ABCA10: variants seen among roughly 807,000 people sequenced by gnomAD.
The protein encoded by ABCA10 is ATP-binding cassette sub-family A member 10.
A neutral mutation model predicts 187.5 loss-of-function variants in ABCA10; 169 were observed. That is an observed-to-expected ratio of 0.90 (90% CI 0.80 to 1.02). ABCA10 has a LOEUF of 1.02. ABCA10 is among the 50% of genes least tolerant of loss of function. The pLI is 0.00. For missense variants in ABCA10, 1,727 were observed against 1,812.4 expected (o/e 0.95, Z 0.86); for synonymous variants, 574 against 601.8 (o/e 0.95, Z 0.68).
chr17:69,151,978 A>C, intron 36 of ABCA10, 65 bp downstream of exon 36: 1 of 1,556,480 alleles, frequency 6.4e-7, no homozygotes, highest in Admixed American at 2.0e-5. Context: ...GACTAGCACA[A>C]AACTAATTGA....
In ABCA10 at chr17:69,162,810, T is replaced by TACATATACAC. The variant is rs369213699; in HGVS notation, c.3363+1263_3363+1264insGTGTATATGT. 6.1e-3 allele frequency among the ~76,000 whole-genome samples: 358 copies of TACATATACAC among 59,006 alleles called. 1 individual carries two copies. The highest frequency in any genetic ancestry group is 0.036 in the African/African-American group (325 of 9,026). The allele number at this position is 59,006 out of a possible 152,430, so 38.7% of individuals were successfully genotyped here. On this transcript the variant is annotated intron_variant, in intron 27 of 38. Transcript: ENST00000690296. ...GGGTTTATGTTGAAAAAATTACATA[T>TACATATACAC]ATACATATACATATACATATACATA...
chr17:69,193,818 T>C lies in ABCA10; in HGVS notation c.1517A>G (p.Gln506Arg), dbSNP rs1344740521. The C allele has an allele frequency of 6.2e-7, 1 of 1,613,214 alleles. No homozygotes were observed. The highest frequency in any genetic ancestry group is 8.5e-7 in the Non-Finnish European group (1 of 1,179,678). ...AATCTTAATGTGTTCCTGTACCTCT[T>C]GTTCCACTTCCTTTGGCTGAATCCC... ...IKGIQPKEVE[Q>R]EVKRIIMELD... is the part of the protein sequence containing the mutation. Residue 506 changes from glutamine (Q) to arginine (R), a missense_variant, in exon 13 of 39, where the codon CAA becomes CGA. Transcript: ENST00000690296.
chr17:69,174,921 T>C (rs2074323903), intron 23 of ABCA10, 144 bp from the exon 24 acceptor site: 1 of 647,584 alleles, frequency 1.5e-6, no homozygotes. Context: ...AAATCTAGCA[T>C]CTCCAATGGA....
chr17:69,199,374 G>A (rs1015530415), intron 10 of ABCA10, among the ~76,000 whole-genome samples: 1 of 152,180 alleles, frequency 6.6e-6, no homozygotes, highest in Non-Finnish European at 1.5e-5. Flanking sequence ...ACTGATTAAT[G>A]ATGAATAAGT....
intron 3 of ABCA10, chr17:69,223,694 A>C (rs1025769371): frequency 4.5e-6 from 2 of 442,856 alleles, no homozygotes; most frequent in Non-Finnish European, 9.0e-6. Flanking sequence ...GACAGTGCTA[A>C]CATCACTGAT....
intron 28 of ABCA10, among the ~76,000 whole-genome samples, 172 bp downstream of exon 28, chr17:69,156,660 A>G (rs577001458): frequency 9.2e-5 from 14 of 152,304 alleles, no homozygotes; most frequent in Non-Finnish European, 4.4e-5. Flanking sequence ...ATAAAATTAT[A>G]AATTTAAGAA....
chr17:69,173,165 G>A (rs566876786), intron 25 of ABCA10, among the ~76,000 whole-genome samples: 7 of 152,250 alleles, frequency 4.6e-5, no homozygotes, highest in East Asian at 1.9e-4. Context: ...GACTAATGCC[G>A]ATGGTTAAGA....
rs368679552 is a variant in ABCA10 at position 69,183,283 on chromosome 17, T to A, written c.2498-475A>T. 2.1e-4 allele frequency among the ~76,000 whole-genome samples: 32 copies of A among 152,312 alleles called. 1 individual carries two copies. Among genetic ancestry groups the A allele is most frequent in the Admixed American group, 3.9e-4 (6 of 15,304 alleles). The stretch of plus-strand genomic sequence containing the variant: ...GTACTAGTAACCCATTCAAAACATC[T>A]TTATGGAATTAAGTTAACTTGATAT... On this transcript the variant is annotated intron_variant, in intron 20 of 38. Transcript: ENST00000690296.
intron 9 of ABCA10, among the ~76,000 whole-genome samples, chr17:69,206,957 A>G (rs2074596581): frequency 6.6e-6 from 1 of 152,192 alleles, no homozygotes; most frequent in African/African-American, 2.4e-5. Context: ...CACAGCCAGG[A>G]AAGGAATCAA....
rs183466132 is a variant in ABCA10, at chr17:69,176,040, A to C, written c.2770-527T>G. ...AATATTTTAGAACTACAGTTGACCA[A>C]AGGTAACTGAAACATCAGAAAGCAA... On this transcript the variant is annotated intron_variant, in intron 22 of 38. Coordinates refer to ENST00000690296, the MANE Select transcript of ABCA10 (RefSeq NM_001377321.1). 6.3e-4 allele frequency among the ~76,000 whole-genome samples: 96 copies of C among 152,214 alleles called. 1 individual carries two copies. The East Asian group carries it at 0.016, about 25-fold the overall frequency.
Position 69,185,489 on chromosome 17 carries a change from C to T in ABCA10, c.2485G>A (p.Val829Ile), listed in dbSNP as rs773827545. 2.6e-5 allele frequency: 42 copies of T among 1,611,968 alleles called. No individual in the cohort carries two copies. Among genetic ancestry groups the T allele is most frequent in the African/African-American group, 5.3e-5 (4 of 74,800 alleles). Residue 829 changes from valine (V) to isoleucine (I), a missense_variant, in exon 20 of 39, where the codon GTT (valine) becomes ATT (isoleucine). Physicochemically the swap from Val to Ile is conservative, Grantham distance 29 (BLOSUM62 3). Coordinates refer to ENST00000690296, the MANE Select transcript of ABCA10 (RefSeq NM_001377321.1). ...PKTPLTSLLI[V>I]NNTGSNIEDL... ...CCCCATTTCTCACCTGTATTATTAA[C>T]GATTAACAGGCTGGTAAGAGGCGTC...
At chr17:69,179,369 G>A (rs1049301972) in intron 22 of ABCA10, among the ~76,000 whole-genome samples, 1 of 152,168 alleles carries the variant, frequency 6.6e-6, no homozygotes, top group East Asian at 1.9e-4. Context: ...AATAATCTTA[G>A]TAAGCAGATT....
intron 25 of ABCA10, among the ~76,000 whole-genome samples, chr17:69,170,519 G>A (rs543228423): frequency 2.7e-4 from 41 of 151,462 alleles, no homozygotes; most frequent in African/African-American, 9.0e-4. Context: ...GCCTTGTAAG[G>A]AGTAATTAAA....
intron 34 of ABCA10, 44 bp downstream of exon 34, chr17:69,153,261 G>A: frequency 1.9e-6 from 3 of 1,562,094 alleles, no homozygotes; most frequent in Non-Finnish European, 1.7e-6. Context: ...AAATATCCTA[G>A]AGGTATTCTC....
chr17:69,157,637 C>T (rs1452451169), intron 27 of ABCA10, among the ~76,000 whole-genome samples: 2 of 152,044 alleles, frequency 1.3e-5, no homozygotes, highest in African/African-American at 4.8e-5. Context: ...TTGACAGAAG[C>T]AAACAAAATG....
chr17:69,205,505 A>G (rs952264401), intron 9 of ABCA10, among the ~76,000 whole-genome samples: 8 of 152,204 alleles, frequency 5.3e-5, no homozygotes, highest in African/African-American at 1.9e-4. Context: ...ACAAAACAGA[A>G]TAAACAATAA....
rs751033366 is a variant in ABCA10, at chr17:69,182,271, G to C, written c.2651C>G (p.Ala884Gly). The change falls in exon 22 of 39, where the codon GCG becomes GGG. Residue 884 changes from alanine to glycine, a missense_variant. Physicochemically the swap from Ala to Gly is moderately conservative, Grantham distance 60 (BLOSUM62 0). Coordinates refer to ENST00000690296, the MANE Select transcript of ABCA10 (RefSeq NM_001377321.1). ...GDQKDYRFSV[A>G]CNTKKLNCFP... ...ACAATTCAATTTCTTGGTATTACAC[G>C]CAACAGAAAATCTGTAATCCTTGAA... The C allele has an allele frequency of 4.5e-6, 7 of 1,549,274 alleles. No homozygotes were observed. The Admixed American group carries it at 9.4e-5, about 21-fold the overall frequency.
At chr17:69,219,505 A>G in intron 6 of ABCA10, 40 bp downstream of exon 6, 1 of 1,349,120 alleles carries the variant, frequency 7.4e-7, no homozygotes, top group Non-Finnish European at 9.9e-7. Context: ...TTCTCTAATA[A>G]TTAATGTATG....
chr17:69,238,471 T>C (rs1166381843), intron 1 of ABCA10, among the ~76,000 whole-genome samples: 2 of 152,166 alleles, frequency 1.3e-5, no homozygotes, highest in African/African-American at 4.8e-5. Context: ...ACTAGAGACA[T>C]GACAGATAGG....
Sources: allele counts gnomAD v4.1 joint callset (sites outside exome capture counted in the v4.1 genomes callset), GRCh38; gene constraint gnomAD v4.1.1; transcripts MANE v1.5; gene names NCBI Gene and HGNC (gene_info 2026-07-23, HGNC 2026-07-21).